CACNA2D3: variants seen among roughly 807,000 people sequenced by gnomAD.
CACNA2D3 encodes the protein calcium voltage-gated channel auxiliary subunit alpha2delta 3.
CACNA2D3 carries 60 observed loss-of-function variants against 160.6 expected under a neutral mutation model. The ratio of observed to expected loss-of-function variants is 0.37; its 90% CI spans 0.30 to 0.46. CACNA2D3 has a LOEUF of 0.46. Among genes scored for constraint, CACNA2D3 ranks in the 20% least tolerant of loss-of-function variants. The probability of loss-of-function intolerance (pLI) is 1.00; values close to 1 mark genes in which losing one functional copy is unlikely to be tolerated. For missense variants in CACNA2D3, 1,205 were observed against 1,365.0 expected, an observed-to-expected ratio of 0.88 and a Z score of 1.85; for synonymous variants, 558 against 492.9, an observed-to-expected ratio of 1.13 and a Z score of -1.75.
At chr3:54,925,344 G>C (rs1575380250) in intron 27 of CACNA2D3, 1 of 725,172 alleles carries the variant, frequency 1.4e-6, no homozygotes. Flanking sequence ...CTGCAAGAGA[G>C]GTTCTGTCAC....
intron 9 of CACNA2D3, among the ~76,000 whole-genome samples, chr3:54,610,031 A>G (rs114952479): frequency 0.02 from 2,990 of 152,176 alleles, 38 homozygotes; most frequent in Middle Eastern, 0.044. Flanking sequence ...GGTGGTGGCT[A>G]TCGATCCTTG....
In CACNA2D3 at chr3:54,627,834, G is replaced by A; in HGVS notation, c.1011G>A (p.Met337Ile). ...AACTTTTCGCCAAAGGAATTGGAAT[G>A]TTGGATATAGCTCTGAATGAGGCCT... ...LDKLFAKGIGMLDIALNEAFN... is the reference protein window; with the variant it reads ...LDKLFAKGIGILDIALNEAFN... The change falls in exon 10 of 38, where the codon ATG (methionine) becomes ATA (isoleucine). Residue 337 changes from methionine to isoleucine, a missense_variant. This residue lies in a region of CACNA2D3 where 911 missense variants were observed against 1,002.2 expected (regional missense o/e 0.91). Coordinates refer to ENST00000474759, the MANE Select transcript of CACNA2D3 (RefSeq NM_018398.3). The A allele has an allele frequency of 6.2e-7, 1 of 1,610,454 alleles. No individual in the cohort carries two copies. Among genetic ancestry groups the A allele is most frequent in the African/African-American group, 1.3e-5 (1 of 75,036 alleles).
intron 13 of CACNA2D3, among the ~76,000 whole-genome samples, chr3:54,768,502 A>G (rs963919867): frequency 6.6e-6 from 1 of 152,176 alleles, no homozygotes; most frequent in Non-Finnish European, 1.5e-5. Context: ...TAGAGGGGGA[A>G]CCCATTGCTA....
In CACNA2D3 at chr3:55,031,846, G is replaced by A. The variant is rs146748708; in HGVS notation, c.2987+13529G>A. ...TAGAGGTGTAGATGATCAAAGTCAG[G>A]AGGATGTGGGAGAAATTATCAGGAT... On this transcript the variant is annotated intron_variant, in intron 35 of 37. Coordinates refer to ENST00000474759, the MANE Select transcript of CACNA2D3 (RefSeq NM_018398.3). 7.3e-4 allele frequency among the ~76,000 whole-genome samples: 111 copies of A among 152,116 alleles called. 1 individual carries two copies. Among genetic ancestry groups the A allele is most frequent in the South Asian group, 5.0e-3 (24 of 4,814 alleles).
At chr3:54,636,503 G>A (rs1479354763) in intron 10 of CACNA2D3, among the ~76,000 whole-genome samples, 1 of 152,008 alleles carries the variant, frequency 6.6e-6, no homozygotes, top group Non-Finnish European at 1.5e-5. Flanking sequence ...TATGAGAAAT[G>A]TAGAGAGTGA....
intron 4 of CACNA2D3, among the ~76,000 whole-genome samples, chr3:54,422,948 A>G (rs1314153987): frequency 1.3e-5 from 2 of 152,194 alleles, no homozygotes; most frequent in Non-Finnish European, 2.9e-5. Flanking sequence ...TATCCGTGGA[A>G]TGGGACAGCA....
At chr3:54,379,912 T>C (rs975769311) in intron 3 of CACNA2D3, among the ~76,000 whole-genome samples, 1 of 152,158 alleles carries the variant, frequency 6.6e-6, no homozygotes, top group Non-Finnish European at 1.5e-5. Flanking sequence ...CTTACGTTTT[T>C]TTCATGGATC....
chr3:54,484,323 A>G (rs1321305887), intron 4 of CACNA2D3, among the ~76,000 whole-genome samples: 4 of 152,186 alleles, frequency 2.6e-5, no homozygotes, highest in Admixed American at 2.0e-4. Context: ...TATCAGGTAC[A>G]GCCTGTTGGA....
intron 4 of CACNA2D3, among the ~76,000 whole-genome samples, chr3:54,411,195 A>T (rs1278262606): frequency 6.6e-6 from 1 of 152,214 alleles, no homozygotes; most frequent in African/African-American, 2.4e-5. Flanking sequence ...AAGATGCTGT[A>T]AACATTGTTG....
chr3:54,814,317 T>G (rs1257636636), intron 13 of CACNA2D3, among the ~76,000 whole-genome samples: 1 of 152,192 alleles, frequency 6.6e-6, no homozygotes, highest in Non-Finnish European at 1.5e-5. Flanking sequence ...CCCAGCCCTC[T>G]CTCTATCATT....
At chr3:54,216,110 C>T (rs1447964105) in intron 2 of CACNA2D3, among the ~76,000 whole-genome samples, 1 of 150,788 alleles carries the variant, frequency 6.6e-6, no homozygotes, top group Non-Finnish European at 1.5e-5. Flanking sequence ...TATCCTCTGA[C>T]ACTACCCTGC....
chr3:54,334,589 G>T (rs1704333841), intron 3 of CACNA2D3, among the ~76,000 whole-genome samples: 1 of 152,134 alleles, frequency 6.6e-6, no homozygotes, highest in African/African-American at 2.4e-5. Flanking sequence ...TTCTCATGTG[G>T]CAGGGATTGT....
chr3:54,928,032 G>T (rs1701077039), intron 27 of CACNA2D3: 1 of 911,838 alleles, frequency 1.1e-6, no homozygotes, highest in Non-Finnish European at 1.8e-6. Flanking sequence ...TCTGAACCCT[G>T]CCCTTGCTTT....
In CACNA2D3 at chr3:54,790,410, G is replaced by C. The variant is rs191425576; in HGVS notation, c.1380+26059G>C. Among the ~76,000 whole-genome samples, 199 of 152,274 alleles carry C rather than the reference G, an allele frequency of 1.3e-3. 1 individual carries two copies. Among genetic ancestry groups the C allele is most frequent in the Non-Finnish European group, 1.4e-3 (95 of 68,020 alleles). On this transcript the variant is annotated intron_variant, in intron 13 of 37. Coordinates refer to ENST00000474759, the MANE Select transcript of CACNA2D3 (RefSeq NM_018398.3). ...TTAGCATCCATGTGAAAAGGAAAAG[G>C]TTCCCATGAGCCAAGCTGGTGAAGT... is the stretch of plus-strand genomic sequence containing the variant.
At chr3:54,697,869 T>C (rs1483393075) in intron 11 of CACNA2D3, among the ~76,000 whole-genome samples, 1 of 152,224 alleles carries the variant, frequency 6.6e-6, no homozygotes, top group Non-Finnish European at 1.5e-5. Context: ...TAGTTTTCCC[T>C]TAGCCAGACA....
rs867743124 is a variant in CACNA2D3, at chr3:54,484,970, C to G, written c.382-18522C>G. On this transcript the variant is annotated intron_variant, in intron 4 of 37. Transcript: ENST00000474759. ...CAAGCAATTCTCCTGCCTCAGCCTC[C>G]CGAGTAGCTGGGATTGCAGGCACCT... 1.3e-3 allele frequency among the ~76,000 whole-genome samples: 194 copies of G among 152,134 alleles called. 2 individuals carry two copies. The highest frequency in any genetic ancestry group is 4.3e-3 in the African/African-American group (180 of 41,520).
chr3:54,510,941 G>GA (rs1178056088), intron 5 of CACNA2D3, among the ~76,000 whole-genome samples: 86 of 152,134 alleles, frequency 5.7e-4, no homozygotes, highest in Non-Finnish European at 9.4e-4. Context: ...CCCAAGCCCA[G>GA]ACCCCTTCCA....
At chr3:54,574,521 AAACT>A (rs1374278377) in intron 8 of CACNA2D3, among the ~76,000 whole-genome samples, 2 of 152,224 alleles carry the variant, frequency 1.3e-5, no homozygotes, top group African/African-American at 4.8e-5. Flanking sequence ...TAAAATGGAC[AAACT>A]AACTGATTGA....
intron 4 of CACNA2D3, among the ~76,000 whole-genome samples, chr3:54,491,921 C>T (rs1021039495): frequency 2.0e-5 from 3 of 152,318 alleles, no homozygotes; most frequent in African/African-American, 7.2e-5. Flanking sequence ...ACCCTTTCCT[C>T]TGGTTGAGAT....
Sources: allele counts gnomAD v4.1 joint callset (sites outside exome capture counted in the v4.1 genomes callset), GRCh38; gene constraint gnomAD v4.1.1; regional missense constraint gnomAD v4.1.1; transcripts MANE v1.5; gene names NCBI Gene and HGNC (gene_info 2026-07-23, HGNC 2026-07-21).